Variants in DSCAM observed in about 807,000 individuals in gnomAD.
DSCAM encodes cell adhesion molecule DSCAM.
DSCAM carries 47 observed loss-of-function variants against 217.7 expected under a neutral mutation model. The ratio of observed to expected loss-of-function variants is 0.22; its 90% CI spans 0.17 to 0.28. The LOEUF (loss-of-function observed/expected upper bound fraction) is 0.28, where lower values mean the gene tolerates loss of function less well. DSCAM is among the 10% of genes least tolerant of loss of function. The pLI, the probability that DSCAM is intolerant of heterozygous loss-of-function variation, is 1.00. For synonymous variants in DSCAM, 1,056 were observed against 1,015.3 expected, an observed-to-expected ratio of 1.04 and a Z score of -0.76; for missense variants, 2,080 against 2,618.3, an observed-to-expected ratio of 0.79 and a Z score of 4.49.
chr21:40,655,538 G>A (rs1290042053), intron 3 of DSCAM, among the ~76,000 whole-genome samples: 2 of 151,408 alleles, frequency 1.3e-5, no homozygotes, highest in African/African-American at 2.4e-5. Flanking sequence ...GACCTCCTGG[G>A]ATCAAGCCAT....
At chr21:40,237,983 G>C (rs751697626) in intron 11 of DSCAM, among the ~76,000 whole-genome samples, 1 of 152,144 alleles carries the variant, frequency 6.6e-6, no homozygotes, top group African/African-American at 2.4e-5. Flanking sequence ...CACAGATTCC[G>C]TGGGTTGGGC....
chr21:40,772,324 G>A (rs147686773), intron 1 of DSCAM, among the ~76,000 whole-genome samples: 3 of 152,078 alleles, frequency 2.0e-5, no homozygotes, highest in East Asian at 3.9e-4. Context: ...ACCCGTCACC[G>A]TGCCTGGCTA....
chr21:40,701,550 G>C (rs2090656628), intron 2 of DSCAM, among the ~76,000 whole-genome samples: 1 of 151,930 alleles, frequency 6.6e-6, no homozygotes, highest in African/African-American at 2.4e-5. Flanking sequence ...TCTAATATAA[G>C]TTTTTTAGAG....
At chr21:40,354,522 C>A (rs1018267445) in intron 4 of DSCAM, among the ~76,000 whole-genome samples, 2 of 152,032 alleles carry the variant, frequency 1.3e-5, no homozygotes, top group African/African-American at 4.8e-5. Flanking sequence ...CATGCACCAC[C>A]ACACCCAGCC....
chr21:40,481,864 A>C (rs578174593), intron 3 of DSCAM, among the ~76,000 whole-genome samples: 1 of 152,290 alleles, frequency 6.6e-6, no homozygotes, highest in African/African-American at 2.4e-5. Flanking sequence ...CAGTTGAGTG[A>C]GGGACAGAGC....
At chr21:40,490,014 C>A (rs1328977025) in intron 3 of DSCAM, among the ~76,000 whole-genome samples, 2 of 152,100 alleles carry the variant, frequency 1.3e-5, no homozygotes, top group East Asian at 3.9e-4. Flanking sequence ...CTCACTGTTC[C>A]ACATGGCTAG....
intron 3 of DSCAM, among the ~76,000 whole-genome samples, chr21:40,572,727 T>TAATC (rs2076817923): frequency 6.6e-6 from 1 of 152,168 alleles, no homozygotes; most frequent in Non-Finnish European, 1.5e-5. Context: ...TGTATGAACC[T>TAATC]AATAAAGAGA....
At chr21:40,243,816 T>C (rs1320673223) in intron 11 of DSCAM, among the ~76,000 whole-genome samples, 1 of 152,154 alleles carries the variant, frequency 6.6e-6, no homozygotes, top group Non-Finnish European at 1.5e-5. Context: ...GCAGCCACCA[T>C]TGCTTGTCAT....
At chr21:40,157,704 T>C (rs202242028) in intron 16 of DSCAM, among the ~76,000 whole-genome samples, 1 of 20,556 alleles carries the variant, frequency 4.9e-5, no homozygotes, top group Non-Finnish European at 1.6e-4. Flanking sequence ...TTTCTTTTTT[T>C]TTTTTTTCCT....
intron 9 of DSCAM, among the ~76,000 whole-genome samples, chr21:40,304,117 G>T (rs2123469538): frequency 6.6e-6 from 1 of 152,308 alleles, no homozygotes; most frequent in Non-Finnish European, 1.5e-5. Flanking sequence ...GGCTCTTATT[G>T]GCTCATACAT....
At position 40,208,488 on chromosome 21, in the gene DSCAM, G is replaced by A. The variant is rs867413275; in HGVS notation, c.2357-19250C>T. 5.9e-5 allele frequency among the ~76,000 whole-genome samples: 9 copies of A among 152,276 alleles called. No individual in the cohort carries two copies. The South Asian group carries it at 1.0e-3, about 18-fold the overall frequency. On this transcript the variant is annotated intron_variant, in intron 11 of 32. Transcript: ENST00000400454. ...TTCCATTGTCACAGAAAGTGGCAGC[G>A]AATCTCAAAGGGTTTTCGGTTGAGC... is the stretch of plus-strand genomic sequence containing the variant.
Position 40,110,435 on chromosome 21 carries a change from C to G in DSCAM, c.3696+13760G>C, listed in dbSNP as rs567110850. Among the ~76,000 whole-genome samples the G allele has an allele frequency of 2.0e-5, 3 of 152,164 alleles. No individual in the cohort carries two copies. The East Asian group carries it at 5.8e-4, about 29-fold the overall frequency. The stretch of plus-strand genomic sequence containing the variant: ...ATCTGTACGTCACCATCATCAAAGA[C>G]CAAAGGTAGATAAAACCACAAAGAT... On this transcript the variant is annotated intron_variant, in intron 20 of 32. Transcript: ENST00000400454.
intron 3 of DSCAM, among the ~76,000 whole-genome samples, chr21:40,371,160 T>C (rs949535196): frequency 3.3e-5 from 5 of 152,198 alleles, no homozygotes; most frequent in Non-Finnish European, 7.3e-5. Context: ...AAATATGCCA[T>C]AAATAATGCT....
At chr21:40,674,370 G>C (rs2090312077) in intron 3 of DSCAM, among the ~76,000 whole-genome samples, 3 of 152,150 alleles carry the variant, frequency 2.0e-5, no homozygotes, top group Non-Finnish European at 2.9e-5. Context: ...GCTTGGTCAT[G>C]TGCCAATTGC....
At chr21:40,627,973 G>T (rs961719239) in intron 3 of DSCAM, among the ~76,000 whole-genome samples, 1 of 152,162 alleles carries the variant, frequency 6.6e-6, no homozygotes, top group Non-Finnish European at 1.5e-5. Flanking sequence ...CCCCAAAGTT[G>T]TGTGTCCGTG....
At chr21:40,537,998 G>A (rs576757943) in intron 3 of DSCAM, among the ~76,000 whole-genome samples, 1 of 152,202 alleles carries the variant, frequency 6.6e-6, no homozygotes, top group African/African-American at 2.4e-5. Context: ...CTCAGAGAGA[G>A]CGCTCAATAA....
intron 21 of DSCAM, among the ~76,000 whole-genome samples, chr21:40,088,219 T>C (rs17755501): frequency 0.11 from 16,060 of 152,172 alleles, 1,027 homozygotes; most frequent in Middle Eastern, 0.18. Context: ...TCACCCTCGA[T>C]GGATGCACAG....
At chr21:40,648,763 A>G (rs2093343388) in intron 3 of DSCAM, among the ~76,000 whole-genome samples, 1 of 152,194 alleles carries the variant, frequency 6.6e-6, no homozygotes, top group Non-Finnish European at 1.5e-5. Context: ...TGGGAGATAA[A>G]CAACCCAACT....
chr21:40,461,178 T>C (rs1484017182), intron 3 of DSCAM, among the ~76,000 whole-genome samples: 1 of 152,232 alleles, frequency 6.6e-6, no homozygotes, highest in Admixed American at 6.5e-5. Flanking sequence ...TTACCACTTC[T>C]GCAAATAAAT....
Sources: gnomAD v4.1 joint callset for allele counts (sites outside exome capture counted in the v4.1 genomes callset) on GRCh38, gnomAD v4.1.1 for gene constraint, MANE v1.5 for transcripts, NCBI Gene and HGNC (gene_info 2026-07-23, HGNC 2026-07-21) for gene names.